Variants in UBAC1 observed in about 807,000 individuals in gnomAD.
UBAC1 encodes the protein ubiquitin-associated domain-containing protein 1.
A neutral mutation model predicts 45.9 loss-of-function variants in UBAC1; 27 were observed. That is an observed-to-expected ratio of 0.59 (90% CI 0.43 to 0.81). UBAC1 has a LOEUF of 0.81. Among genes scored for constraint, UBAC1 ranks in the 30% least tolerant of loss-of-function variants. The probability of loss-of-function intolerance (pLI) is 0.00; values close to 1 mark genes in which losing one functional copy is unlikely to be tolerated. For missense variants in UBAC1, 529 were observed against 539.2 expected, an observed-to-expected ratio of 0.98 and a Z score of 0.19; for synonymous variants, 227 against 215.5, an observed-to-expected ratio of 1.05 and a Z score of -0.47.
At position 135,953,861 on chromosome 9, in the gene UBAC1, G is replaced by A. The variant is rs1278325903; in HGVS notation, c.260-108C>T. The A allele has an allele frequency of 2.8e-5, 24 of 862,836 alleles. No homozygotes were observed. In the East Asian group the frequency reaches 4.1e-4, roughly 15 times the overall value. The allele number at this position is 862,836 out of a possible 1,614,324, so 53.4% of individuals were successfully genotyped here. On this transcript the variant is annotated intron_variant, in intron 2 of 9. Transcript: ENST00000371756. ...AGAACAGAACAGCAGGGATTCGGCCGGGCGCAGTGGCTCCCATCTGTAATC... is the reference window on the plus strand; with the variant it reads ...AGAACAGAACAGCAGGGATTCGGCCAGGCGCAGTGGCTCCCATCTGTAATC...
intron 9 of UBAC1, 76 bp downstream of exon 9, chr9:135,938,146 G>A (rs184022184): frequency 2.4e-5 from 38 of 1,568,186 alleles, no homozygotes; most frequent in Middle Eastern, 3.4e-4. Context: ...TATCGCCTCC[G>A]CAGCACCTAT....
Position 135,944,134 on chromosome 9 carries a change from A to T in UBAC1, c.876+894T>A, listed in dbSNP as rs565936558. 1.5e-3 allele frequency among the ~76,000 whole-genome samples: 229 copies of T among 152,330 alleles called. 1 individual carries two copies. The highest frequency in any genetic ancestry group is 4.8e-3 in the Admixed American group (73 of 15,298). ...TATCCCAGAACTTAACATTAAATTA[A>T]ATTTTAAAAGAAACAAAGAAAAGCA... On this transcript the variant is annotated intron_variant, in intron 7 of 9. Coordinates refer to ENST00000371756, the MANE Select transcript of UBAC1 (RefSeq NM_016172.3).
chr9:135,956,185 T>G (rs2131094872), intron 1 of UBAC1, among the ~76,000 whole-genome samples: 1 of 152,246 alleles, frequency 6.6e-6, no homozygotes, highest in East Asian at 1.9e-4. Flanking sequence ...ACGGGGGACC[T>G]GGGAAGCCAT....
chr9:135,948,055 G>T (rs1448897490), intron 3 of UBAC1, 150 bp from the exon 4 acceptor site: 1 of 675,622 alleles, frequency 1.5e-6, no homozygotes, highest in Non-Finnish European at 2.5e-6. Context: ...GGGGAGCCTG[G>T]AGAGTTCTGT....
intron 3 of UBAC1, among the ~76,000 whole-genome samples, chr9:135,953,090 C>T (rs1034350704): frequency 3.3e-5 from 5 of 152,128 alleles, no homozygotes; most frequent in African/African-American, 1.2e-4. Flanking sequence ...GGGAGTGAAC[C>T]GTCACGCAGG....
At chr9:135,933,564 C>T in intron 9 of UBAC1, 49 bp from the exon 10 acceptor site, 2 of 1,374,866 alleles carry the variant, frequency 1.5e-6, no homozygotes, top group South Asian at 1.2e-5. Context: ...CCACTCAGCC[C>T]ACAGGCACAG....
chr9:135,960,701 C>G (rs1297319423), intron 1 of UBAC1, among the ~76,000 whole-genome samples: 3 of 152,250 alleles, frequency 2.0e-5, no homozygotes, highest in East Asian at 3.9e-4. Context: ...CTGCCCCTAC[C>G]TCCCTGCGTG....
At chr9:135,950,268 G>C (rs1437453078) in intron 3 of UBAC1, among the ~76,000 whole-genome samples, 2 of 152,364 alleles carry the variant, frequency 1.3e-5, no homozygotes, top group African/African-American at 4.8e-5. Flanking sequence ...GTGGCGATTT[G>C]TTAGGTGGCA....
intron 9 of UBAC1, among the ~76,000 whole-genome samples, chr9:135,934,035 A>C (rs904473520): frequency 6.6e-6 from 1 of 152,220 alleles, no homozygotes; most frequent in Non-Finnish European, 1.5e-5. Context: ...AGCTTTACAA[A>C]ACTGTTTCCC....
At position 135,961,308 on chromosome 9, in the gene UBAC1, C is replaced by G; in HGVS notation, c.-146G>C. 1.7e-6 allele frequency: 1 copy of G among 595,138 alleles called. No homozygotes were observed. The highest frequency in any genetic ancestry group is 2.2e-6 in the Non-Finnish European group (1 of 464,136). The allele number at this position is 595,138 out of a possible 1,614,324, so 36.9% of individuals were successfully genotyped here. On this transcript the variant is annotated 5_prime_UTR_variant, in exon 1 of 10. Transcript: ENST00000371756. ...CCCCGGCTCCCGTCGGCCGGGCCGCCGTCACTCTCCGCGGCCTCAGCGGTC... is the reference window on the plus strand; with the variant it reads ...CCCCGGCTCCCGTCGGCCGGGCCGCGGTCACTCTCCGCGGCCTCAGCGGTC...
Position 135,947,918 on chromosome 9 carries a change from G to A in UBAC1, c.334-13C>T, listed in dbSNP as rs762852665. The A allele has an allele frequency of 2.1e-5, 34 of 1,610,664 alleles. No individual in the cohort carries two copies. Among genetic ancestry groups the A allele is most frequent in the South Asian group, 4.4e-5 (4 of 90,738 alleles). On this transcript the variant is annotated splice_polypyrimidine_tract_variant and intron_variant, in intron 3 of 9. Transcript: ENST00000371756. ...GGTCTTGTTTTTTCTACACAGAAAC[G>A]TAATCAGAAAGTCTGAGGTGAACGT...
chr9:135,940,703 T>C (rs1012923401), intron 7 of UBAC1, among the ~76,000 whole-genome samples: 5 of 152,216 alleles, frequency 3.3e-5, no homozygotes, highest in Non-Finnish European at 7.3e-5. Flanking sequence ...TGGACACAAT[T>C]CATGTAACAA....
At position 135,938,332 on chromosome 9, in the gene UBAC1, G is replaced by A. The variant is rs763837126; in HGVS notation, c.992C>T (p.Pro331Leu). ...GCCCTTGTCCAGCTCCTCCGGAGAG[G>A]GCTTCCGGTCCCCCAGCAGCCACTC... is the stretch of plus-strand genomic sequence containing the variant. ...ACEWLLGDRK[P>L]SPEELDKGID... Residue 331 changes from proline to leucine, a missense_variant, in exon 9 of 10, where the codon CCC (proline) becomes CTC (leucine). By Grantham distance (98) the Pro-to-Leu change is moderately conservative. Transcript: ENST00000371756. 8 of 1,613,794 alleles carry A rather than the reference G, an allele frequency of 5.0e-6. No individual in the cohort carries two copies. The highest frequency in any genetic ancestry group is 6.8e-6 in the Non-Finnish European group (8 of 1,180,030).
At chr9:135,958,312 A>C (rs919023665) in intron 1 of UBAC1, among the ~76,000 whole-genome samples, 1 of 152,056 alleles carries the variant, frequency 6.6e-6, no homozygotes, top group African/African-American at 2.4e-5. Context: ...CTCCCAAAGT[A>C]CTGGGATTAC....
At chr9:135,949,728 C>T (rs1461311359) in intron 3 of UBAC1, among the ~76,000 whole-genome samples, 1 of 152,226 alleles carries the variant, frequency 6.6e-6, no homozygotes, top group Non-Finnish European at 1.5e-5. Context: ...AACTCGAGGA[C>T]GGCCGCACGC....
At chr9:135,935,117 G>A (rs537374615) in intron 9 of UBAC1, among the ~76,000 whole-genome samples, 20 of 152,138 alleles carry the variant, frequency 1.3e-4, no homozygotes, top group African/African-American at 2.9e-4. Flanking sequence ...GGCTGGTCTC[G>A]AACTCCTGAG....
chr9:135,938,135 G>T (rs552401957), intron 9 of UBAC1, 87 bp downstream of exon 9: 2 of 1,545,840 alleles, frequency 1.3e-6, no homozygotes, highest in Admixed American at 1.9e-5. Context: ...TGGATCCTCC[G>T]TATCGCCTCC....
intron 1 of UBAC1, among the ~76,000 whole-genome samples, chr9:135,958,696 G>C (rs543393646): frequency 6.6e-6 from 1 of 152,334 alleles, no homozygotes; most frequent in Admixed American, 6.5e-5. Context: ...ATGACATCCA[G>C]GGACCGGCTT....
At chr9:135,946,653 C>A (rs1291040852) in intron 4 of UBAC1, among the ~76,000 whole-genome samples, 1 of 152,192 alleles carries the variant, frequency 6.6e-6, no homozygotes, top group African/African-American at 2.4e-5. Context: ...AACCGTCGGC[C>A]CAGCTGGCGC....
Sources: gnomAD v4.1 joint callset for allele counts (sites outside exome capture counted in the v4.1 genomes callset) on GRCh38, gnomAD v4.1.1 for gene constraint, MANE v1.5 for transcripts, NCBI Gene and HGNC (gene_info 2026-07-23, HGNC 2026-07-21) for gene names.